Variants in ABLIM2 observed in about 807,000 individuals in gnomAD.
The protein encoded by ABLIM2 is actin-binding LIM protein 2.
In ABLIM2, 53 loss-of-function variants were observed where a neutral mutation model predicts 97.7. The observed-to-expected ratio is 0.54, with a 90% confidence interval of 0.44 to 0.68. The LOEUF (loss-of-function observed/expected upper bound fraction) is 0.68. Ranked by LOEUF, ABLIM2 falls within the 30% of genes least tolerant of loss-of-function variation. The probability of loss-of-function intolerance (pLI) is 0.00; values close to 1 mark genes in which losing one functional copy is unlikely to be tolerated. For missense variants in ABLIM2, 835 were observed against 867.2 expected (o/e 0.96, Z 0.47); for synonymous variants, 361 against 345.8 (o/e 1.04, Z -0.49).
chr4:8,011,573 T>A (rs1439424718), intron 14 of ABLIM2, among the ~76,000 whole-genome samples: 1 of 152,216 alleles, frequency 6.6e-6, no homozygotes, highest in Non-Finnish European at 1.5e-5. Flanking sequence ...TGGAACATAA[T>A]AGGAAACTCA....
In ABLIM2 at chr4:7,998,648, C is replaced by T. The variant is rs767244711; in HGVS notation, c.1619-5721G>A. 2.0e-6 allele frequency: 1 copy of T among 510,894 alleles called. No individual in the cohort carries two copies. The highest frequency in any genetic ancestry group is 1.4e-5 in the South Asian group (1 of 69,726). The allele number at this position is 510,894 out of a possible 1,614,324, so 31.6% of individuals were successfully genotyped here. A position where few individuals can be genotyped will look rare whatever the true frequency, so the allele number is the denominator to read the frequency against. On this transcript the variant is annotated intron_variant, in intron 16 of 20. Transcript: ENST00000447017. The surrounding 1 kb of genome is among the most constrained non-coding windows in gnomAD (Gnocchi z 6.4). ...TAGTGTGGCTGCAGGAGGAAAACAC[C>T]TGCCTCGTCACCTTTTGCCACCACA...
In ABLIM2 at chr4:8,019,586, A is replaced by G. The variant is rs867883214; in HGVS notation, c.1423+32T>C. 7.5e-6 allele frequency: 12 copies of G among 1,597,500 alleles called. No homozygotes were observed. The Middle Eastern group carries it at 1.8e-3, about 244-fold the overall frequency. On this transcript the variant is annotated intron_variant, in intron 14 of 20. Coordinates refer to ENST00000447017, the MANE Select transcript of ABLIM2 (RefSeq NM_001130083.2). The surrounding 1 kb of genome is among the most constrained non-coding windows in gnomAD (Gnocchi z 4.3). ...ATGGGTATTGACAGGCATGCGGGGC[A>G]AACCACAGCAGCGGGAGGAATCCAA...
At chr4:8,116,697 A>G (rs1842948066) in intron 1 of ABLIM2, among the ~76,000 whole-genome samples, 1 of 152,216 alleles carries the variant, frequency 6.6e-6, no homozygotes, top group Non-Finnish European at 1.5e-5. Flanking sequence ...CTTAAGCAAA[A>G]TAAGGATTGG....
At position 8,005,423 on chromosome 4, in the gene ABLIM2, A is replaced by G. The variant is rs181064905; in HGVS notation, c.1618+2636T>C. On this transcript the variant is annotated intron_variant, in intron 16 of 20. Transcript: ENST00000447017. The surrounding 1 kb of genome is among the most constrained non-coding windows in gnomAD (Gnocchi z 4.9). ...CCTTCCTTGGGCGCGCTACAGATGG[A>G]CGTCCCGGGGTGCAGGTGGCGTGCC... 2,644 of 533,364 alleles carry G rather than the reference A, an allele frequency of 5.0e-3. 57 individuals carry two copies. The highest frequency in any genetic ancestry group is 1.7e-3 in the Non-Finnish European group (450 of 259,934). The allele number at this position is 533,364 out of a possible 1,614,324, so 33.0% of individuals were successfully genotyped here. A position where few individuals can be genotyped will look rare whatever the true frequency, so the allele number is the denominator to read the frequency against.
chr4:8,129,919 C>A (rs147889657), intron 1 of ABLIM2, among the ~76,000 whole-genome samples: 1 of 152,220 alleles, frequency 6.6e-6, no homozygotes, highest in Admixed American at 6.5e-5. Context: ...TGCTCAGAGA[C>A]ACTGGGGAGC....
intron 16 of ABLIM2, among the ~76,000 whole-genome samples, chr4:8,006,381 G>C (rs552009466): frequency 5.9e-5 from 9 of 152,308 alleles, no homozygotes; most frequent in South Asian, 2.1e-4. Context: ...GTCATCAAGT[G>C]GGGGAGGTCA....
chr4:8,056,112 C>CAAAAAAAAAAAAAAAAAAAAAA lies in ABLIM2; in HGVS notation c.764-1888_764-1867dup, dbSNP rs60992903. On this transcript the variant is annotated intron_variant, in intron 7 of 20. Transcript: ENST00000447017. ...TGGGTAACAGAGCAAGACTCTGTCTCAAAAAAAAAAAAAAAAAAAAAAAAA... is the reference window on the plus strand; with the variant it reads ...TGGGTAACAGAGCAAGACTCTGTCTCAAAAAAAAAAAAAAAAAAAAAAAAAAAAAAAAAAAAAAAAAAAAAAA... Among the ~76,000 whole-genome samples, 15 of 68,360 alleles carry CAAAAAAAAAAAAAAAAAAAAAA rather than the reference C, an allele frequency of 2.2e-4. 1 individual carries two copies. Among genetic ancestry groups the CAAAAAAAAAAAAAAAAAAAAAA allele is most frequent in the Non-Finnish European group, 3.6e-4 (13 of 35,726 alleles). The allele number at this position is 68,360 out of a possible 152,430, so 44.8% of individuals were successfully genotyped here.
intron 12 of ABLIM2, among the ~76,000 whole-genome samples, chr4:8,027,069 T>A (rs914112397): frequency 3.3e-5 from 5 of 152,182 alleles, no homozygotes; most frequent in Non-Finnish European, 5.9e-5. Flanking sequence ...GTCAGTACTA[T>A]GGGATCTGTG....
In ABLIM2 at chr4:8,068,650, C is replaced by T. The variant is rs1809672287; in HGVS notation, c.676-7596G>A. ...AACCACGGAATCCGGGTGCAAAGGC[C>T]TCCTCTGCCCACTGGAGAGCTGCCA... On this transcript the variant is annotated intron_variant, in intron 6 of 20. Transcript: ENST00000447017. The surrounding 1 kb of genome is among the most constrained non-coding windows in gnomAD (Gnocchi z 4.5). Among the ~76,000 whole-genome samples, 1 of 152,216 alleles carries T rather than the reference C, an allele frequency of 6.6e-6. No individual in the cohort carries two copies. Among genetic ancestry groups the T allele is most frequent in the African/African-American group, 2.4e-5 (1 of 41,458 alleles).
At chr4:8,154,258 A>G (rs13107457) in intron 1 of ABLIM2, among the ~76,000 whole-genome samples, 85,513 of 139,476 alleles carry the variant, frequency 0.61, 27,519 homozygotes, top group East Asian at 0.92. Context: ...CACCGCACCC[A>G]GCCACTTATT....
intron 2 of ABLIM2, among the ~76,000 whole-genome samples, chr4:8,104,202 G>GT (rs767708694): frequency 6.6e-6 from 1 of 152,208 alleles, no homozygotes; most frequent in African/African-American, 2.4e-5. Context: ...TTTTGGAAAT[G>GT]TGGGAGGATG....
At chr4:8,056,269 G>T (rs1799072038) in intron 7 of ABLIM2, among the ~76,000 whole-genome samples, 2 of 150,564 alleles carry the variant, frequency 1.3e-5, no homozygotes, top group African/African-American at 4.9e-5. Flanking sequence ...AATGGAAGGG[G>T]TTCAGTGTAA....
chr4:7,974,119 G>T (rs1730599336), intron 20 of ABLIM2, among the ~76,000 whole-genome samples: 1 of 152,164 alleles, frequency 6.6e-6, no homozygotes, highest in Admixed American at 6.5e-5. Flanking sequence ...AATTGTGTGG[G>T]CCAAGTTCTT....
chr4:8,068,175 G>A lies in ABLIM2; in HGVS notation c.676-7121C>T, dbSNP rs1237319673. Reference sequence around the variant, plus strand: ...CCGCTGGTTGTTCCAGTGGGCGCACGGCTCCCCAGGCAGGCGGAAGTCCCA... The same window carrying A: ...CCGCTGGTTGTTCCAGTGGGCGCACAGCTCCCCAGGCAGGCGGAAGTCCCA... On this transcript the variant is annotated intron_variant, in intron 6 of 20. Transcript: ENST00000447017. This position sits in a 1 kb window ranked among gnomAD's most constrained non-coding sequence, Gnocchi z 4.5. Among the ~76,000 whole-genome samples the A allele has an allele frequency of 6.6e-6, 1 of 152,178 alleles. No homozygotes were observed. Among genetic ancestry groups the A allele is most frequent in the Non-Finnish European group, 1.5e-5 (1 of 68,034 alleles).
intron 14 of ABLIM2, among the ~76,000 whole-genome samples, chr4:8,009,519 C>A (rs1156657479): frequency 6.6e-6 from 1 of 152,178 alleles, no homozygotes; most frequent in African/African-American, 2.4e-5. Context: ...GCCTCAGCCA[C>A]CCGGTAGCTG....
At chr4:8,151,012 T>C (rs1223634878) in intron 1 of ABLIM2, among the ~76,000 whole-genome samples, 1 of 152,166 alleles carries the variant, frequency 6.6e-6, no homozygotes, top group African/African-American at 2.4e-5. Context: ...GGCCCTTGAC[T>C]CTCACTCAGC....
chr4:8,133,773 A>T (rs1344999045), intron 1 of ABLIM2, among the ~76,000 whole-genome samples: 1 of 152,196 alleles, frequency 6.6e-6, no homozygotes, highest in East Asian at 1.9e-4. Flanking sequence ...AGCGATTCCC[A>T]GAGCCCCCTG....
intron 6 of ABLIM2, among the ~76,000 whole-genome samples, chr4:8,065,136 C>T (rs759663334): frequency 6.6e-6 from 1 of 152,132 alleles, no homozygotes; most frequent in Non-Finnish European, 1.5e-5. Context: ...CCTGTAGTCC[C>T]AGCTACTCAG....
At chr4:7,979,912 G>A (rs1413000225) in intron 20 of ABLIM2, among the ~76,000 whole-genome samples, 1 of 152,212 alleles carries the variant, frequency 6.6e-6, no homozygotes, top group African/African-American at 2.4e-5. Flanking sequence ...AGAGAAAGAT[G>A]TGGGTCTCTT....
Sources: gnomAD v4.1 joint callset for allele counts (sites outside exome capture counted in the v4.1 genomes callset) on GRCh38, gnomAD v4.1.1 for gene constraint, Gnocchi (gnomAD v3.1) non-coding constraint, MANE v1.5 for transcripts, NCBI Gene and HGNC (gene_info 2026-07-23, HGNC 2026-07-21) for gene names.